Variants in SYNC observed in about 807,000 individuals in gnomAD.
SYNC encodes syncoilin.
A neutral mutation model predicts 49.5 loss-of-function variants in SYNC; 38 were observed. The observed-to-expected ratio is 0.77, with a 90% CI of 0.59 to 1.01. The LOEUF is 1.01. Among genes scored for constraint, SYNC ranks in the 50% least tolerant of loss-of-function variants. SYNC has a pLI of 0.00. For missense variants in SYNC, 579 were observed against 580.6 expected (o/e 1.00, Z 0.03); for synonymous variants, 201 against 230.8 (o/e 0.87, Z 1.17).
At chr1:32,685,491 T>C (rs576681754) in intron 2 of SYNC, 1 of 152,342 alleles carries the variant, frequency 6.6e-6, no homozygotes, top group African/African-American at 2.4e-5. Flanking sequence ...ATCCAGTTGT[T>C]GGGGTACATG....
Position 32,702,620 on chromosome 1 carries a change from GC to G in SYNC, c.40del (p.Ala14ProfsTer9). 8.2e-7 allele frequency: 1 copy of G among 1,222,392 alleles called. No individual in the cohort carries two copies. Among genetic ancestry groups the G allele is most frequent in the Non-Finnish European group, 1.0e-6 (1 of 982,002 alleles). 75.7% of individuals were successfully genotyped at this position (1,222,392 alleles called of 1,614,324 possible). On this transcript the variant is annotated frameshift_variant, in exon 1 of 5. Transcript: ENST00000409190. LOFTEE classifies it high-confidence loss of function. The surrounding 1 kb of genome is among the most constrained non-coding windows in gnomAD (Gnocchi z 6.2). ...PEPRRGGDGA[A>X]QAARKTRVEA... is the part of the protein sequence containing the mutation. Reference sequence around the variant, plus strand: ...GGCACTGTCCTACCTCGCGGCCTGGGCGGCGCCGTCCCCGCCGCGCCGGGGC... The same window carrying G: ...GGCACTGTCCTACCTCGCGGCCTGGGGGCGCCGTCCCCGCCGCGCCGGGGC...
At chr1:32,692,836 C>T (rs1255570538) in intron 2 of SYNC, among the ~76,000 whole-genome samples, 2 of 151,858 alleles carry the variant, frequency 1.3e-5, no homozygotes, top group Non-Finnish European at 2.9e-5. Flanking sequence ...GAAACCCCAT[C>T]TCTACTAAAA....
Position 32,681,608 on chromosome 1 carries a change from T to G in SYNC, c.*242A>C. ...GCTCATCTTTCCTTTCCTTGGTGCATTGAGATCAGTATCAACAGCAGATGA... is the reference window on the plus strand; with the variant it reads ...GCTCATCTTTCCTTTCCTTGGTGCAGTGAGATCAGTATCAACAGCAGATGA... On this transcript the variant is annotated 3_prime_UTR_variant, in exon 5 of 5. Transcript: ENST00000409190. The G allele has an allele frequency of 1.7e-6, 1 of 604,016 alleles. No individual in the cohort carries two copies. Among genetic ancestry groups the G allele is most frequent in the Middle Eastern group, 3.2e-4 (1 of 3,104 alleles). The allele number at this position is 604,016 out of a possible 1,614,324, so 37.4% of individuals were successfully genotyped here.
Position 32,695,928 on chromosome 1 carries a change from T to A in SYNC, c.170A>T (p.Asp57Val). Residue 57 changes from aspartate to valine, a missense_variant, in exon 2 of 5, where the codon GAC becomes GTC. Asp to Val is a radical substitution (Grantham distance 152). Transcript: ENST00000409190. ...LSSEGSLNLE[D>V]ILYLEDTGDL... ...ACCTGTGTCCTCCAGGTAGAGAATG[T>A]CTTCGAGGTTTAAGGACCCCTCTGA... The A allele has an allele frequency of 6.4e-7, 1 of 1,551,164 alleles. No individual in the cohort carries two copies. Among genetic ancestry groups the A allele is most frequent in the Non-Finnish European group, 8.7e-7 (1 of 1,147,054 alleles).
chr1:32,702,805 G>A, upstream of SYNC: 1 of 635,194 alleles, frequency 1.6e-6, no homozygotes, highest in Non-Finnish European at 2.0e-6. This position sits in a 1 kb window ranked among gnomAD's most constrained non-coding sequence, Gnocchi z 6.2. Context: ...CACTTGGCCG[G>A]GGCTCCTGCC....
In SYNC at chr1:32,684,309, T is replaced by C. The variant is rs762737494; in HGVS notation, c.1307A>G (p.Lys436Arg). 3 of 1,614,082 alleles carry C rather than the reference T, an allele frequency of 1.9e-6. No homozygotes were observed. The highest frequency in any genetic ancestry group is 2.2e-5 in the South Asian group (2 of 91,090). The change falls in exon 3 of 5, where the codon AAA becomes AGA. Residue 436 changes from lysine (K) to arginine (R), a missense_variant. Coordinates refer to ENST00000409190, the MANE Select transcript of SYNC (RefSeq NM_030786.3). ...NGVQLQQQKN[K>R]EMEQLRLSLA... Reference sequence around the variant, plus strand: ...ACTGAGCCTTAGCTGTTCCATCTCTTTGTTCTTCTGTTGCTGGAGTTGCAC... The same window carrying C: ...ACTGAGCCTTAGCTGTTCCATCTCTCTGTTCTTCTGTTGCTGGAGTTGCAC...
intron 2 of SYNC, 99 bp downstream of exon 2, chr1:32,694,766 T>TA (rs937163676): frequency 4.0e-6 from 5 of 1,245,444 alleles, no homozygotes; most frequent in South Asian, 3.4e-5. Context: ...TTTTTCTTCC[T>TA]ACATGTGACA....
chr1:32,697,708 C>T (rs1255945350), intron 1 of SYNC, among the ~76,000 whole-genome samples: 3 of 151,432 alleles, frequency 2.0e-5, no homozygotes, highest in Non-Finnish European at 2.9e-5. Context: ...CTCTGCACCC[C>T]AGCCTGGGCA....
At chr1:32,683,897 T>G (rs1195386125) in intron 4 of SYNC, 113 bp downstream of exon 4, 1 of 1,007,528 alleles carries the variant, frequency 9.9e-7, no homozygotes, top group Non-Finnish European at 1.5e-6. Context: ...CCTCCCAAAG[T>G]GCTAGGATTA....
chr1:32,691,862 C>T (rs1650182739), intron 2 of SYNC, among the ~76,000 whole-genome samples: 1 of 152,140 alleles, frequency 6.6e-6, no homozygotes, highest in African/African-American at 2.4e-5. Context: ...GGTCTAGATT[C>T]TCCCTATGCT....
intron 2 of SYNC, chr1:32,684,668 T>G: frequency 3.0e-6 from 1 of 337,666 alleles, no homozygotes; most frequent in Non-Finnish European, 5.5e-6. Context: ...ATTACAACCT[T>G]AGTGTCATTG....
intron 2 of SYNC, among the ~76,000 whole-genome samples, chr1:32,687,902 T>A (rs563661239): frequency 7.2e-6 from 1 of 139,482 alleles, no homozygotes; most frequent in Non-Finnish European, 1.6e-5. Flanking sequence ...CAGGCTGGAG[T>A]GCGCTGGCAC....
intron 2 of SYNC, among the ~76,000 whole-genome samples, chr1:32,692,211 G>A (rs1650201282): frequency 6.6e-6 from 1 of 151,998 alleles, no homozygotes; most frequent in Admixed American, 6.6e-5. Context: ...CTGGGCAAGA[G>A]TGACAGACTC....
intron 1 of SYNC, among the ~76,000 whole-genome samples, chr1:32,698,717 C>A (rs1007337064): frequency 4.6e-5 from 7 of 151,898 alleles, no homozygotes; most frequent in Non-Finnish European, 7.4e-5. Context: ...GGAGTGTTCT[C>A]TTGCTGCTTT....
chr1:32,695,343 T>A lies in SYNC; in HGVS notation c.755A>T (p.Glu252Val), dbSNP rs1650366049. The change falls in exon 2 of 5, where the codon GAA becomes GTA. Residue 252 changes from glutamate to valine, a missense_variant. Glu to Val is a moderately radical substitution (Grantham distance 121). Transcript: ENST00000409190. ...CAGCTGGTATTGGTAGGCCACACAT[T>A]CCTTTGTCACTTTGAAAAGCTTCTG... is the stretch of plus-strand genomic sequence containing the variant. ...VKQKLFKVTKECVAYQYQLEC... is the reference protein window; with the variant it reads ...VKQKLFKVTKVCVAYQYQLEC... 3 of 1,551,482 alleles carry A rather than the reference T, an allele frequency of 1.9e-6. No homozygotes were observed. Among genetic ancestry groups the A allele is most frequent in the Admixed American group, 2.0e-5 (1 of 50,900 alleles).
rs878971886 is a variant in SYNC, at chr1:32,680,338, GTT to G, written c.*1510_*1511del. The G allele has an allele frequency of 7.2e-5, 59 of 821,464 alleles. No homozygotes were observed. Among genetic ancestry groups the G allele is most frequent in the East Asian group, 2.4e-4 (4 of 16,884 alleles). The allele number at this position is 821,464 out of a possible 1,614,324, so 50.9% of individuals were successfully genotyped here. ...GTTTATTTCCTGTCTGTGAAATGGT[GTT>G]TTTTTTTTTGTTGTTGGTTTTTTTT... On this transcript the variant is annotated 3_prime_UTR_variant, in exon 5 of 5. Transcript: ENST00000409190.
At chr1:32,697,299 G>A (rs1194692712) in intron 1 of SYNC, among the ~76,000 whole-genome samples, 2 of 151,154 alleles carry the variant, frequency 1.3e-5, no homozygotes, top group Non-Finnish European at 2.9e-5. Context: ...AAATTAGCCG[G>A]GCGTGGTGGT....
At chr1:32,682,780 A>T (rs1256070712) in intron 4 of SYNC, 2 of 152,070 alleles carry the variant, frequency 1.3e-5, no homozygotes, top group Admixed American at 6.6e-5. Context: ...AAAAAAAAAG[A>T]AAGTTGTGAA....
At chr1:32,699,728 C>CTTTTTTTTTTTTTTTTTTTT (rs58903413) in intron 1 of SYNC, among the ~76,000 whole-genome samples, 2 of 125,982 alleles carry the variant, frequency 1.6e-5, no homozygotes, top group Non-Finnish European at 1.8e-5. Context: ...CCAAACATAC[C>CTTTTTTTTTTTTTTTTTTTT]TTTTTTTTTT....
Sources: allele counts gnomAD v4.1 joint callset (sites outside exome capture counted in the v4.1 genomes callset), GRCh38; gene constraint gnomAD v4.1.1; non-coding constraint Gnocchi (gnomAD v3.1); transcripts MANE v1.5; gene names NCBI Gene and HGNC (gene_info 2026-07-23, HGNC 2026-07-21).